LOC128125817: variants seen among roughly 807,000 people sequenced by gnomAD.
the LOC128125817 span, chr1:41,585,461 A>C: frequency 2.5e-6 from 1 of 396,598 alleles, no homozygotes. Context: ...AGGGAAACTC[A>C]AGCAGAACCA....
the LOC128125817 span, among the ~76,000 whole-genome samples, chr1:41,602,432 T>C: frequency 6.6e-6 from 1 of 151,974 alleles, no homozygotes; most frequent in Non-Finnish European, 1.5e-5. Context: ...ATATTAGTTA[T>C]AGGTCTGTTT....
the LOC128125817 span, among the ~76,000 whole-genome samples, chr1:41,601,853 A>G: frequency 6.6e-6 from 1 of 152,178 alleles, no homozygotes; most frequent in African/African-American, 2.4e-5. Flanking sequence ...GTTTTTCACC[A>G]CTGAGTATAG....
the LOC128125817 span, among the ~76,000 whole-genome samples, chr1:41,601,310 G>A: frequency 6.6e-6 from 1 of 152,018 alleles, no homozygotes; most frequent in African/African-American, 2.4e-5. Flanking sequence ...ATTTTTATGG[G>A]GGTTTCATTG....
At chr1:41,618,459 T>C in the LOC128125817 span, among the ~76,000 whole-genome samples, 1 of 152,244 alleles carries the variant, frequency 6.6e-6, no homozygotes, top group Non-Finnish European at 1.5e-5. Context: ...GGAGCTGGTG[T>C]GCCCATCCTT....
the LOC128125817 span, among the ~76,000 whole-genome samples, chr1:41,590,325 T>TC: frequency 6.6e-6 from 1 of 152,220 alleles, no homozygotes. Context: ...CTTGTAGTAA[T>TC]CAAAGGCCCC....
chr1:41,600,604 G>A, the LOC128125817 span, among the ~76,000 whole-genome samples: 1 of 152,186 alleles, frequency 6.6e-6, no homozygotes, highest in Non-Finnish European at 1.5e-5. Context: ...TTTTCAGAAT[G>A]AAAAGTAATC....
the LOC128125817 span, among the ~76,000 whole-genome samples, chr1:41,620,163 G>A: frequency 5.4e-4 from 83 of 152,332 alleles, no homozygotes; most frequent in South Asian, 5.6e-3. Flanking sequence ...AACAGAGCCC[G>A]AACAGAGGCA....
chr1:41,619,067 C>G, the LOC128125817 span, among the ~76,000 whole-genome samples: 1 of 152,142 alleles, frequency 6.6e-6, no homozygotes, highest in African/African-American at 2.4e-5. Context: ...GCCCACTCCT[C>G]TGCTCAGGCC....
the LOC128125817 span, among the ~76,000 whole-genome samples, chr1:41,605,767 T>G: frequency 0.31 from 47,251 of 151,660 alleles, 9,343 homozygotes; most frequent in East Asian, 0.59. Flanking sequence ...GAAACCCTAA[T>G]TGTGTGAGAA....
At chr1:41,621,057 G>A in the LOC128125817 span, among the ~76,000 whole-genome samples, 14 of 152,322 alleles carry the variant, frequency 9.2e-5, no homozygotes, top group African/African-American at 3.1e-4. Flanking sequence ...GAGCTTGGGT[G>A]TTCCCAATTG....
At chr1:41,609,599 C>A in the LOC128125817 span, among the ~76,000 whole-genome samples, 1 of 152,250 alleles carries the variant, frequency 6.6e-6, no homozygotes, top group Non-Finnish European at 1.5e-5. Context: ...GTCTCCAATC[C>A]ATAATGACAC....
the LOC128125817 span, among the ~76,000 whole-genome samples, chr1:41,607,034 G>A: frequency 6.6e-6 from 1 of 151,798 alleles, no homozygotes; most frequent in African/African-American, 2.4e-5. Flanking sequence ...ATATTGCTCA[G>A]TGTGGTCTTG....
chr1:41,586,241 C>T, the LOC128125817 span, among the ~76,000 whole-genome samples: 1 of 152,210 alleles, frequency 6.6e-6, no homozygotes, highest in South Asian at 2.1e-4. Context: ...CAGCTGCAAG[C>T]AGGGCAGTCT....
chr1:41,603,858 T>C, the LOC128125817 span, among the ~76,000 whole-genome samples: 1 of 152,252 alleles, frequency 6.6e-6, no homozygotes, highest in Non-Finnish European at 1.5e-5. Context: ...TATAGTGTTG[T>C]TCGAGTCATT....
chr1:41,594,486 T>C, the LOC128125817 span, among the ~76,000 whole-genome samples: 2 of 152,214 alleles, frequency 1.3e-5, no homozygotes, highest in Non-Finnish European at 1.5e-5. Flanking sequence ...CCTCCCGAAG[T>C]GCTGGGATTA....
At chr1:41,600,380 CTTCT>C in the LOC128125817 span, among the ~76,000 whole-genome samples, 5 of 152,160 alleles carry the variant, frequency 3.3e-5, no homozygotes, top group South Asian at 2.1e-4. Context: ...TCAGAATTTC[CTTCT>C]TTAAGACGGA....
chr1:41,620,782 C>T, the LOC128125817 span, among the ~76,000 whole-genome samples: 2 of 152,202 alleles, frequency 1.3e-5, no homozygotes, highest in African/African-American at 4.8e-5. Flanking sequence ...CCCATTCACC[C>T]AGTCACTCAC....
chr1:41,606,148 CCT>C, the LOC128125817 span, among the ~76,000 whole-genome samples: 15 of 150,888 alleles, frequency 9.9e-5, no homozygotes, highest in African/African-American at 3.7e-4. Context: ...TCGCATTCAA[CCT>C]CTCTCTCCCA....
At chr1:41,623,778 C>T in the LOC128125817 span, among the ~76,000 whole-genome samples, 1 of 152,214 alleles carries the variant, frequency 6.6e-6, no homozygotes, top group Non-Finnish European at 1.5e-5. Flanking sequence ...TCCAGGCCCT[C>T]CTCCTCCTGT....
Sources: gnomAD v4.1 joint callset for allele counts (sites outside exome capture counted in the v4.1 genomes callset) on GRCh38, gnomAD v4.1.1 for gene constraint, MANE v1.5 for transcripts.